The following PCSK5 variants were observed in gnomAD, a reference collection of about 807,000 sequenced individuals.
The protein encoded by PCSK5 is prohormone convertase 5.
Under a neutral mutation model 233.2 loss-of-function variants are expected in PCSK5, and 129 were observed. The observed-to-expected ratio is 0.55, with a 90% CI of 0.48 to 0.64. The LOEUF (loss-of-function observed/expected upper bound fraction) is 0.64, where lower values mean the gene tolerates loss of function less well. Ranked by LOEUF, PCSK5 falls within the 30% of genes least tolerant of loss-of-function variation. PCSK5 has a pLI of 0.00. For synonymous variants in PCSK5, 825 were observed against 879.2 expected (o/e 0.94, Z 1.09); for missense variants, 2,076 against 2,430.1 (o/e 0.85, Z 3.06).
intron 17 of PCSK5, 149 bp from the exon 18 acceptor site, chr9:76,188,429 T>C: frequency 1.7e-6 from 1 of 587,468 alleles, no homozygotes; most frequent in African/African-American, 1.9e-5. Flanking sequence ...AAAAAAAGGG[T>C]ACACGGGCTA....
chr9:76,261,040 T>C (rs1454073047), intron 24 of PCSK5, among the ~76,000 whole-genome samples: 1 of 152,184 alleles, frequency 6.6e-6, no homozygotes, highest in Admixed American at 6.5e-5. Context: ...TTAGTTGCCT[T>C]ACAAGAATTA....
rs73452533 is a variant in PCSK5, at chr9:76,016,071, T to C, written c.412-7667T>C. Among the ~76,000 whole-genome samples the C allele has an allele frequency of 2.0e-3, 305 of 152,370 alleles. 2 individuals are homozygous for C. Among genetic ancestry groups the C allele is most frequent in the African/African-American group, 6.9e-3 (285 of 41,586 alleles). ...TAGGGGCTCAGTTTAAATGTTATTT[T>C]CTCAAGAAAGTTCTCTTAGCCTTCC... On this transcript the variant is annotated intron_variant, in intron 3 of 37. Coordinates refer to ENST00000674117, the MANE Select transcript of PCSK5 (RefSeq NM_001372043.1).
intron 3 of PCSK5, among the ~76,000 whole-genome samples, chr9:75,995,744 TACACACACACACACACACAC>T (rs35132294): frequency 8.9e-5 from 13 of 145,948 alleles, no homozygotes; most frequent in Non-Finnish European, 1.7e-4. Context: ...GATTCATTCA[TACACACACACACACACACAC>T]ACACACACAC....
chr9:76,079,712 T>G (rs1335083985), intron 7 of PCSK5, among the ~76,000 whole-genome samples: 1 of 151,996 alleles, frequency 6.6e-6, no homozygotes, highest in Admixed American at 6.6e-5. Flanking sequence ...TGAATAGGAG[T>G]GTTGAGAGTG....
chr9:76,025,417 G>T (rs915938987), intron 4 of PCSK5, among the ~76,000 whole-genome samples: 2 of 151,740 alleles, frequency 1.3e-5, no homozygotes, highest in Non-Finnish European at 2.9e-5. Context: ...GAGAGAGAGA[G>T]AGAGACCAAG....
chr9:76,274,236 C>A (rs990541902), intron 24 of PCSK5, among the ~76,000 whole-genome samples: 2 of 151,990 alleles, frequency 1.3e-5, no homozygotes, highest in South Asian at 4.1e-4. Context: ...ATCCACTGAG[C>A]TTTAGATTCT....
chr9:76,079,442 T>C lies in PCSK5; in HGVS notation c.894+7544T>C, dbSNP rs1484081869. 5.3e-5 allele frequency among the ~76,000 whole-genome samples: 8 copies of C among 152,258 alleles called. No individual in the cohort carries two copies. The East Asian group carries it at 1.5e-3, about 29-fold the overall frequency. ...CATGAGCCACCACAACCGGCCAGAT[T>C]GCATTCTTTATATGGTTCTCAACTT... On this transcript the variant is annotated intron_variant, in intron 7 of 37. Transcript: ENST00000674117.
intron 28 of PCSK5, among the ~76,000 whole-genome samples, chr9:76,303,503 G>GTA (rs1184793219): frequency 1.3e-5 from 2 of 152,180 alleles, no homozygotes; most frequent in Non-Finnish European, 2.9e-5. Context: ...ATATATTTTA[G>GTA]TATATACATG....
intron 3 of PCSK5, among the ~76,000 whole-genome samples, chr9:76,011,033 T>C (rs570695017): frequency 2.6e-5 from 4 of 152,348 alleles, no homozygotes; most frequent in African/African-American, 9.6e-5. Flanking sequence ...GGAATTATTA[T>C]TTTTCTCTAA....
In PCSK5 at chr9:76,205,320, C is replaced by T. The variant is rs115246133; in HGVS notation, c.2626+15574C>T. On this transcript the variant is annotated intron_variant, in intron 20 of 37. Coordinates refer to ENST00000674117, the MANE Select transcript of PCSK5 (RefSeq NM_001372043.1). ...GCCTATGCTGTTCCCACACAGAACACAGCGTGAGGAGGTGGCGAGACATTC... is the reference window on the plus strand; with the variant it reads ...GCCTATGCTGTTCCCACACAGAACATAGCGTGAGGAGGTGGCGAGACATTC... 6.0e-3 allele frequency: 3,055 copies of T among 507,702 alleles called. 73 individuals carry two copies. Among genetic ancestry groups the T allele is most frequent in the African/African-American group, 0.051 (2,618 of 51,686 alleles). 31.4% of individuals were successfully genotyped at this position (507,702 alleles called of 1,614,324 possible). A position where few individuals can be genotyped will look rare whatever the true frequency, so the allele number is the denominator to read the frequency against.
chr9:76,340,089 G>A, intron 35 of PCSK5, among the ~76,000 whole-genome samples: 1 of 152,096 alleles, frequency 6.6e-6, no homozygotes, highest in East Asian at 1.9e-4. Flanking sequence ...CCTCCCAGGA[G>A]TATTCTTCCT....
chr9:75,905,007 A>C (rs1826198274), intron 1 of PCSK5, among the ~76,000 whole-genome samples: 1 of 152,230 alleles, frequency 6.6e-6, no homozygotes, highest in African/African-American at 2.4e-5. Context: ...AATGTAGATG[A>C]ACCTTGAAAA....
chr9:76,352,644 A>G (rs938375313), intron 36 of PCSK5, among the ~76,000 whole-genome samples: 1 of 152,132 alleles, frequency 6.6e-6, no homozygotes, highest in Non-Finnish European at 1.5e-5. Context: ...CTAGGATTAC[A>G]GGTGTGAGCC....
intron 6 of PCSK5, among the ~76,000 whole-genome samples, chr9:76,068,329 A>C (rs916207401): frequency 1.3e-5 from 2 of 152,216 alleles, no homozygotes; most frequent in Non-Finnish European, 2.9e-5. Context: ...TGACATTTGT[A>C]CCAAAATGCT....
At chr9:76,343,741 C>T (rs958400147) in intron 35 of PCSK5, among the ~76,000 whole-genome samples, 4 of 152,190 alleles carry the variant, frequency 2.6e-5, no homozygotes, top group African/African-American at 9.6e-5. Flanking sequence ...CAGAAAACCT[C>T]CCCAGACCCT....
intron 3 of PCSK5, among the ~76,000 whole-genome samples, chr9:75,995,744 T>TACACACACACACACAC (rs35132294): frequency 1.4e-4 from 20 of 146,050 alleles, no homozygotes; most frequent in East Asian, 1.0e-3. Context: ...GATTCATTCA[T>TACACACACACACACAC]ACACACACAC....
chr9:76,114,264 A>G (rs748036930), intron 9 of PCSK5, among the ~76,000 whole-genome samples: 3 of 152,172 alleles, frequency 2.0e-5, no homozygotes, highest in Non-Finnish European at 4.4e-5. Flanking sequence ...GAAGGGATGT[A>G]CTGTCCTGAA....
intron 1 of PCSK5, among the ~76,000 whole-genome samples, chr9:75,907,196 T>C (rs544108547): frequency 6.6e-6 from 1 of 152,324 alleles, no homozygotes; most frequent in East Asian, 1.9e-4. Context: ...TTTGTCCTTT[T>C]TTTTTTCGGT....
At chr9:76,133,299 A>G (rs1470770025) in intron 9 of PCSK5, among the ~76,000 whole-genome samples, 2 of 152,084 alleles carry the variant, frequency 1.3e-5, no homozygotes, top group Non-Finnish European at 2.9e-5. Flanking sequence ...GCTGAGTCAA[A>G]TGGCTTCGAG....
Sources: gnomAD v4.1 joint callset for allele counts (sites outside exome capture counted in the v4.1 genomes callset) on GRCh38, gnomAD v4.1.1 for gene constraint, MANE v1.5 for transcripts, NCBI Gene and HGNC (gene_info 2026-07-23, HGNC 2026-07-21) for gene names.